CLEC12B: variants seen among roughly 807,000 people sequenced by gnomAD.
The protein encoded by CLEC12B is macrophage antigen h.
In CLEC12B, 25 loss-of-function variants were observed where a neutral mutation model predicts 36.1. That is an observed-to-expected ratio of 0.69 (90% CI 0.50 to 0.97). CLEC12B has a LOEUF of 0.97. CLEC12B is among the 50% of genes least tolerant of loss of function. The probability of loss-of-function intolerance (pLI) is 0.00; values close to 1 mark genes in which losing one functional copy is unlikely to be tolerated. For missense variants in CLEC12B, 325 were observed against 318.4 expected (o/e 1.02, Z -0.16); for synonymous variants, 110 against 108.5 (o/e 1.01, Z -0.09).
intron 2 of CLEC12B, 75 bp from the exon 3 acceptor site, chr12:10,014,448 G>C (rs1865422859): frequency 1.9e-6 from 2 of 1,064,302 alleles, no homozygotes; most frequent in Non-Finnish European, 2.8e-6. Flanking sequence ...ATTAAGAAAT[G>C]TTTCTGTCAC....
At chr12:10,013,185 T>G (rs1047317108) in intron 2 of CLEC12B, 1 of 363,852 alleles carries the variant, frequency 2.7e-6, no homozygotes, top group Admixed American at 4.7e-5. Context: ...CATTCACTTA[T>G]CATTCCAATG....
At position 10,015,343 on chromosome 12, in the gene CLEC12B, C is replaced by G. The variant is rs1167460884; in HGVS notation, c.501C>G (p.Asn167Lys). ...FTTNEEKTWA[N>K]SRKDCIDKNS... is the part of the protein sequence containing the mutation. ...CAAATGAGGAGAAAACCTGGGCTAA[C>G]AGTAGAAAGGACTGCATAGACAAGA... Residue 167 changes from asparagine (N) to lysine (K), a missense_variant, in exon 4 of 6, where the codon AAC (asparagine) becomes AAG (lysine). Transcript: ENST00000338896. 2.5e-6 allele frequency: 4 copies of G among 1,613,434 alleles called. No homozygotes were observed. The Admixed American group carries it at 5.0e-5, about 20-fold the overall frequency.
chr12:10,018,268 G>A (rs1216454674), intron 5 of CLEC12B, 63 bp from the exon 6 acceptor site: 5 of 977,982 alleles, frequency 5.1e-6, no homozygotes, highest in African/African-American at 1.7e-5. Flanking sequence ...AGCAACTGAG[G>A]GCACTAAATA....
intron 5 of CLEC12B, 47 bp from the exon 6 acceptor site, chr12:10,018,284 C>A (rs750751277): frequency 2.5e-5 from 29 of 1,170,886 alleles, no homozygotes; most frequent in Non-Finnish European, 3.5e-5. Context: ...AAATAGTGAT[C>A]ACGTTTCAAA....
Position 10,015,271 on chromosome 12 carries a change from T to C in CLEC12B, c.429T>C (p.Cys143=). ...IHTSDHRCNP[C]PKMWQWYQNS... ...TTTCAGACCACAGATGTAATCCATG[T>C]CCTAAGATGTGGCAATGGTACCAAA... is the stretch of plus-strand genomic sequence containing the variant. The change falls in exon 4 of 6, where the codon TGT becomes TGC. Residue 143 remains cysteine (C), a synonymous_variant. Transcript: ENST00000338896. 6.2e-7 allele frequency: 1 copy of C among 1,612,664 alleles called. No homozygotes were observed. Among genetic ancestry groups the C allele is most frequent in the Non-Finnish European group, 8.5e-7 (1 of 1,178,994 alleles).
At chr12:10,015,846 A>T (rs968458521) in intron 5 of CLEC12B, 119 bp downstream of exon 5, 4 of 1,515,208 alleles carry the variant, frequency 2.6e-6, no homozygotes, top group Non-Finnish European at 2.6e-6. Flanking sequence ...TACTGAGAAA[A>T]GAGCTCCAGT....
upstream of CLEC12B, among the ~76,000 whole-genome samples, chr12:10,010,153 GTCTC>G (rs1210356945): frequency 8.2e-5 from 12 of 146,406 alleles, no homozygotes; most frequent in East Asian, 6.0e-4. Flanking sequence ...CCAACACCAT[GTCTC>G]TCTCTCTCTG....
At chr12:10,016,854 GA>G in intron 5 of CLEC12B, 1 of 331,980 alleles carries the variant, frequency 3.0e-6, no homozygotes, top group East Asian at 1.7e-4. Context: ...AATAATCTAT[GA>G]AACACTAGGT....
intron 1 of CLEC12B, 128 bp downstream of exon 1, chr12:10,010,978 T>C: frequency 1.7e-6 from 1 of 586,268 alleles, no homozygotes. Flanking sequence ...GGACAAATAG[T>C]TGTGGAATGT....
At position 10,014,189 on chromosome 12, in the gene CLEC12B, A is replaced by C. The variant is rs369156284; in HGVS notation, c.191-334A>C. ...CTGTTTTCATTAAAACAACAATTAC[A>C]TCATCTATCTCCAAATAAAATAAAA... On this transcript the variant is annotated intron_variant, in intron 2 of 5. Transcript: ENST00000338896. Among the ~76,000 whole-genome samples, 17 of 152,320 alleles carry C rather than the reference A, an allele frequency of 1.1e-4. No individual in the cohort carries two copies. In the East Asian group the frequency reaches 1.3e-3, roughly 12 times the overall value.
At position 10,010,683 on chromosome 12, in the gene CLEC12B, G is replaced by T; in HGVS notation, c.-77G>T. The T allele has an allele frequency of 1.1e-6, 1 of 951,726 alleles. No individual in the cohort carries two copies. Among genetic ancestry groups the T allele is most frequent in the Admixed American group, 2.0e-5 (1 of 49,692 alleles). 59.0% of individuals were successfully genotyped at this position (951,726 alleles called of 1,614,324 possible). On this transcript the variant is annotated 5_prime_UTR_variant, in exon 1 of 6. Coordinates refer to ENST00000338896, the MANE Select transcript of CLEC12B (RefSeq NM_001129998.3). The stretch of plus-strand genomic sequence containing the variant: ...TGACTACATCAAAGCTCCCAGCCTT[G>T]AAAAACACATGCTGTTCCCAGGCCT...
chr12:10,017,078 G>A (rs529592730), intron 5 of CLEC12B: 2 of 985,188 alleles, frequency 2.0e-6, no homozygotes, highest in African/African-American at 3.5e-5. Flanking sequence ...CACAAACAAT[G>A]GTAGGTCTAT....
rs1338119493 is a variant in CLEC12B, at chr12:10,017,080, T to C, written c.681-1251T>C. 9 of 985,234 alleles carry C rather than the reference T, an allele frequency of 9.1e-6. No homozygotes were observed. The African/African-American group carries it at 1.4e-4, about 15-fold the overall frequency. The allele number at this position is 985,234 out of a possible 1,614,324, so 61.0% of individuals were successfully genotyped here. A position where few individuals can be genotyped will look rare whatever the true frequency, so the allele number is the denominator to read the frequency against. On this transcript the variant is annotated intron_variant, in intron 5 of 5. Coordinates refer to ENST00000338896, the MANE Select transcript of CLEC12B (RefSeq NM_001129998.3). ...CAGTTCCTTAAATCACAAACAATGG[T>C]AGGTCTATTATTTTCTCCCTGGATA...
chr12:10,015,947 T>TA, intron 5 of CLEC12B: 1 of 1,356,630 alleles, frequency 7.4e-7, no homozygotes, highest in Non-Finnish European at 9.5e-7. Flanking sequence ...GAAATGTGTT[T>TA]ATTTAACACA....
chr12:10,011,489 T>TGAAAAAACTGAG lies in CLEC12B; in HGVS notation c.91+641_91+652dup, dbSNP rs374751925. ...ATTAGTATTTTCTCCATTACATAGA[T>TGAAAAAACTGAG]GAAAAAACTGAGGGTGAGAGAAATT... On this transcript the variant is annotated intron_variant, in intron 1 of 5. Transcript: ENST00000338896. Among the ~76,000 whole-genome samples the TGAAAAAACTGAG allele has an allele frequency of 3.5e-3, 533 of 152,246 alleles. 3 individuals carry two copies. Among genetic ancestry groups the TGAAAAAACTGAG allele is most frequent in the African/African-American group, 0.012 (514 of 41,550 alleles).
intron 5 of CLEC12B, chr12:10,017,604 A>G: frequency 1.0e-6 from 1 of 985,834 alleles, no homozygotes; most frequent in Non-Finnish European, 1.2e-6. Context: ...TCCAGATTGC[A>G]TAGCCATTTC....
chr12:10,012,742 C>T (rs372535057), intron 1 of CLEC12B, 43 bp from the exon 2 acceptor site: 5 of 1,476,474 alleles, frequency 3.4e-6, no homozygotes, highest in Non-Finnish European at 3.8e-6. Context: ...GAAACAAGCA[C>T]AAAGCAGTTC....
chr12:10,007,311 G>GA (rs1865242183), upstream of CLEC12B, among the ~76,000 whole-genome samples: 2 of 151,928 alleles, frequency 1.3e-5, no homozygotes, highest in African/African-American at 4.8e-5. Flanking sequence ...GAAAAAAATG[G>GA]AAAAATTGAT....
chr12:10,012,584 A>G (rs565949932), intron 1 of CLEC12B, among the ~76,000 whole-genome samples: 13 of 152,258 alleles, frequency 8.5e-5, no homozygotes, highest in Non-Finnish European at 1.3e-4. Flanking sequence ...AAAGTGAAGG[A>G]GAGCGGTGGA....
Sources: allele counts gnomAD v4.1 joint callset (sites outside exome capture counted in the v4.1 genomes callset), GRCh38; gene constraint gnomAD v4.1.1; transcripts MANE v1.5; gene names NCBI Gene and HGNC (gene_info 2026-07-23, HGNC 2026-07-21).